The following RAB2A variants were observed in gnomAD, a reference collection of about 807,000 sequenced individuals.
RAB2A encodes RAB2A, member RAS oncogene family.
A neutral mutation model predicts 32.5 loss-of-function variants in RAB2A; 7 were observed. That is an observed-to-expected ratio of 0.22 (90% CI 0.12 to 0.40). The LOEUF is 0.40. Ranked by LOEUF, RAB2A falls within the 10% of genes least tolerant of loss-of-function variation. The probability of loss-of-function intolerance (pLI) is 1.00; values close to 1 mark genes in which losing one functional copy is unlikely to be tolerated. For synonymous variants in RAB2A, 79 were observed against 85.2 expected, an observed-to-expected ratio of 0.93 and a Z score of 0.40; for missense variants, 108 against 260.7, an observed-to-expected ratio of 0.41 and a Z score of 4.03.
chr8:60,589,234 C>G (rs1407784679), intron 5 of RAB2A, among the ~76,000 whole-genome samples: 1 of 152,156 alleles, frequency 6.6e-6, no homozygotes, highest in Non-Finnish European at 1.5e-5. Flanking sequence ...TCACCGACCA[C>G]TAGGAGCTGA....
At chr8:60,612,843 A>G (rs899739825) in intron 6 of RAB2A, among the ~76,000 whole-genome samples, 3 of 152,348 alleles carry the variant, frequency 2.0e-5, no homozygotes, top group African/African-American at 7.2e-5. Context: ...GAGGCGGGGA[A>G]GAGGCAGAGG....
chr8:60,591,193 C>A (rs1215088298), intron 5 of RAB2A, among the ~76,000 whole-genome samples: 1 of 151,834 alleles, frequency 6.6e-6, no homozygotes, highest in Non-Finnish European at 1.5e-5. Context: ...TCCCCTCCCC[C>A]CCACTAATAA....
At chr8:60,527,253 A>G (rs536251984) in intron 1 of RAB2A, among the ~76,000 whole-genome samples, 14 of 152,314 alleles carry the variant, frequency 9.2e-5, no homozygotes, top group East Asian at 3.9e-4. Flanking sequence ...CTGTGACCCA[A>G]TCAGCTCCCA....
chr8:60,584,313 A>G (rs1328282239), intron 4 of RAB2A, 23 bp downstream of exon 4: 15 of 1,538,348 alleles, frequency 9.8e-6, no homozygotes, highest in Admixed American at 1.7e-5. Context: ...AAACTTTGCA[A>G]TTCAGTAGTT....
At chr8:60,545,714 A>ATTG (rs1271283616) in intron 1 of RAB2A, among the ~76,000 whole-genome samples, 5 of 152,220 alleles carry the variant, frequency 3.3e-5, no homozygotes, top group Non-Finnish European at 7.3e-5. Context: ...AAGGTAAGGT[A>ATTG]TTGGTAGCAA....
At chr8:60,522,728 G>A (rs765344854) in intron 1 of RAB2A, among the ~76,000 whole-genome samples, 13 of 152,066 alleles carry the variant, frequency 8.5e-5, no homozygotes, top group Non-Finnish European at 1.5e-4. Flanking sequence ...TAGAGGATTT[G>A]GGGAAGGATT....
intron 1 of RAB2A, among the ~76,000 whole-genome samples, chr8:60,529,053 C>T (rs1807436090): frequency 6.6e-6 from 1 of 152,024 alleles, no homozygotes; most frequent in African/African-American, 2.4e-5. Context: ...TTGTTTTCTT[C>T]TCATGGCTTC....
At chr8:60,523,260 C>T (rs1211741120) in intron 1 of RAB2A, among the ~76,000 whole-genome samples, 2 of 151,942 alleles carry the variant, frequency 1.3e-5, no homozygotes, top group East Asian at 3.9e-4. Context: ...TGGATTCACG[C>T]CATTCTCCTG....
At chr8:60,609,714 C>A (rs1455151688) in intron 6 of RAB2A, among the ~76,000 whole-genome samples, 1 of 151,978 alleles carries the variant, frequency 6.6e-6, no homozygotes, top group African/African-American at 2.4e-5. Flanking sequence ...ACCTATACTC[C>A]CAACACTTAG....
At chr8:60,575,745 C>T (rs1052293996) in intron 3 of RAB2A, among the ~76,000 whole-genome samples, 3 of 150,430 alleles carry the variant, frequency 2.0e-5, no homozygotes, top group Non-Finnish European at 4.4e-5. Context: ...GCAACCTCCG[C>T]CTCCCGGGTT....
chr8:60,604,327 A>G (rs1332865027), intron 6 of RAB2A, among the ~76,000 whole-genome samples: 7 of 152,204 alleles, frequency 4.6e-5, no homozygotes, highest in African/African-American at 1.7e-4. Context: ...AGTCTCAGGT[A>G]TTTCTTTATA....
intron 1 of RAB2A, among the ~76,000 whole-genome samples, chr8:60,541,165 A>G (rs1401195427): frequency 6.6e-6 from 1 of 152,332 alleles, no homozygotes; most frequent in East Asian, 1.9e-4. Flanking sequence ...ATCCCAGTCT[A>G]ATCATGAAAA....
At chr8:60,531,124 A>G (rs1807470534) in intron 1 of RAB2A, among the ~76,000 whole-genome samples, 1 of 151,936 alleles carries the variant, frequency 6.6e-6, no homozygotes, top group Non-Finnish European at 1.5e-5. Flanking sequence ...TGTTTCCTTC[A>G]TTTATTTACA....
chr8:60,607,260 T>C (rs1804248723), intron 6 of RAB2A, among the ~76,000 whole-genome samples: 1 of 150,966 alleles, frequency 6.6e-6, no homozygotes. Flanking sequence ...AAACCCTGTC[T>C]CTACTAAAAA....
chr8:60,527,944 G>A (rs1026506657), intron 1 of RAB2A, among the ~76,000 whole-genome samples: 1 of 152,150 alleles, frequency 6.6e-6, no homozygotes, highest in Non-Finnish European at 1.5e-5. Flanking sequence ...AGGGACACTG[G>A]TTATCACATA....
At chr8:60,557,501 GCAAAACTTCATCTCAAAA>G (rs1321565263) in intron 1 of RAB2A, among the ~76,000 whole-genome samples, 4 of 152,128 alleles carry the variant, frequency 2.6e-5, no homozygotes, top group African/African-American at 7.2e-5. Flanking sequence ...GGGTGACAGA[GCAAAACTTCATCTCAAAA>G]AAACAAACAA....
chr8:60,575,388 G>A (rs1380708349), intron 3 of RAB2A, among the ~76,000 whole-genome samples: 1 of 151,896 alleles, frequency 6.6e-6, no homozygotes, highest in Non-Finnish European at 1.5e-5. Flanking sequence ...TTTAATAAAT[G>A]TAACCTAATA....
chr8:60,559,161 T>C (rs1386592096), intron 2 of RAB2A: 4 of 391,368 alleles, frequency 1.0e-5, no homozygotes, highest in African/African-American at 2.1e-5. Flanking sequence ...AAGATTTCAA[T>C]TGTAATTAGC....
At chr8:60,581,645 A>G (rs1007045096) in intron 3 of RAB2A, among the ~76,000 whole-genome samples, 1 of 152,184 alleles carries the variant, frequency 6.6e-6, no homozygotes, top group African/African-American at 2.4e-5. Flanking sequence ...TAATCCCTAA[A>G]GATCTAGTCC....
Sources: gnomAD v4.1 joint callset for allele counts (sites outside exome capture counted in the v4.1 genomes callset) on GRCh38, gnomAD v4.1.1 for gene constraint, MANE v1.5 for transcripts, NCBI Gene and HGNC (gene_info 2026-07-23, HGNC 2026-07-21) for gene names.